The following PRKDC variants were observed in gnomAD, a reference collection of about 807,000 sequenced individuals.
The protein encoded by PRKDC is protein kinase, DNA-activated, catalytic subunit.
Under a neutral mutation model 486.9 loss-of-function variants are expected in PRKDC, and 82 were observed. The observed-to-expected ratio is 0.17, with a 90% confidence interval of 0.14 to 0.20. The LOEUF is 0.20. Ranked by LOEUF, PRKDC falls within the 10% of genes least tolerant of loss-of-function variation. The pLI is 1.00. For missense variants in PRKDC, 4,504 were observed against 5,038.2 expected, an observed-to-expected ratio of 0.89 and a Z score of 3.21; for synonymous variants, 1,895 against 1,837.0, an observed-to-expected ratio of 1.03 and a Z score of -0.81.
Position 47,879,381 on chromosome 8 carries a change from G to A in PRKDC, c.5235+110C>T, listed in dbSNP as rs187378015. The A allele has an allele frequency of 1.1e-3, 1,146 of 1,024,772 alleles. 5 individuals are homozygous for A. The highest frequency in any genetic ancestry group is 7.8e-3 in the African/African-American group (474 of 60,672). 63.5% of individuals were successfully genotyped at this position (1,024,772 alleles called of 1,614,324 possible). The stretch of plus-strand genomic sequence containing the variant: ...AACATTTTGAATAACCTATTGGGTG[G>A]TTTACAACTTCTCTGATTGTGGATA... On this transcript the variant is annotated intron_variant, in intron 39 of 85. Coordinates refer to ENST00000314191, the MANE Select transcript of PRKDC (RefSeq NM_006904.7).
chr8:47,935,855 G>T lies in PRKDC; in HGVS notation c.1324C>A (p.Gln442Lys), dbSNP rs1342353605. The T allele has an allele frequency of 2.5e-6, 4 of 1,613,940 alleles. No individual in the cohort carries two copies. Among genetic ancestry groups the T allele is most frequent in the Non-Finnish European group, 2.5e-6 (3 of 1,179,850 alleles). The change falls in exon 13 of 86, where the codon CAG becomes AAG. Residue 442 changes from glutamine (Q) to lysine (K), a missense_variant. Transcript: ENST00000314191. ...TPVLEHLVVM[Q>K]IDSFPQYSPK... The stretch of plus-strand genomic sequence containing the variant: ...CTGTACTGTGGGAAACTGTCTATCT[G>T]CATCACCACGAGGTGCTCCAGAACT...
At position 47,927,906 on chromosome 8, in the gene PRKDC, G is replaced by C. The variant is rs764935422; in HGVS notation, c.2140-16C>G. 1.3e-6 allele frequency: 2 copies of C among 1,531,992 alleles called. No individual in the cohort carries two copies. Among genetic ancestry groups the C allele is most frequent in the Middle Eastern group, 1.7e-4 (1 of 5,760 alleles). 94.9% of individuals were successfully genotyped at this position (1,531,992 alleles called of 1,614,324 possible). On this transcript the variant is annotated splice_polypyrimidine_tract_variant and intron_variant, in intron 19 of 85. Transcript: ENST00000314191. ...TAACTGCCACCTTAACAAGAAAGAA[G>C]ACAGTAATGTATATCTGAATAGAGC...
chr8:47,888,789 G>C, intron 33 of PRKDC, 139 bp from the exon 34 acceptor site: 1 of 1,294,012 alleles, frequency 7.7e-7, no homozygotes, highest in Non-Finnish European at 1.0e-6. Context: ...AAGCTAGCAT[G>C]GAGATCAAAC....
intron 54 of PRKDC, among the ~76,000 whole-genome samples, chr8:47,844,957 T>C (rs2088234411): frequency 6.6e-6 from 1 of 152,182 alleles, no homozygotes; most frequent in South Asian, 2.1e-4. Flanking sequence ...CAGAGGCTGA[T>C]GCCTGTACCC....
intron 63 of PRKDC, among the ~76,000 whole-genome samples, chr8:47,825,513 A>AC (rs1409834806): frequency 6.6e-6 from 1 of 150,394 alleles, no homozygotes; most frequent in African/African-American, 2.4e-5. Context: ...TCAAAAAAAA[A>AC]AAAAAAAAAA....
At chr8:47,809,828 G>A (rs1204365245) in intron 68 of PRKDC, among the ~76,000 whole-genome samples, 1 of 152,140 alleles carries the variant, frequency 6.6e-6, no homozygotes, top group African/African-American at 2.4e-5. Flanking sequence ...AACTGGGAAG[G>A]TCTGCTATTG....
intron 18 of PRKDC, 44 bp downstream of exon 18, chr8:47,929,809 A>T (rs376982120): frequency 4.6e-6 from 7 of 1,536,910 alleles, no homozygotes; most frequent in Non-Finnish European, 6.1e-6. Flanking sequence ...TATACTCATG[A>T]CCTAAAAAAA....
chr8:47,831,232 C>T (rs974650178), intron 60 of PRKDC, among the ~76,000 whole-genome samples: 8 of 152,294 alleles, frequency 5.3e-5, no homozygotes, highest in African/African-American at 1.9e-4. Flanking sequence ...GGGAGGGGGC[C>T]GGCACAGCGC....
intron 51 of PRKDC, among the ~76,000 whole-genome samples, chr8:47,853,653 T>A (rs1252957644): frequency 6.6e-6 from 1 of 152,212 alleles, no homozygotes; most frequent in South Asian, 2.1e-4. Context: ...CCGAGGGGCC[T>A]GCATTACTTT....
chr8:47,778,506 C>T lies in PRKDC; in HGVS notation c.11806G>A (p.Gly3936Ser), dbSNP rs55670423. The T allele has an allele frequency of 6.2e-4, 997 of 1,613,714 alleles. 1 individual carries two copies. The highest frequency in any genetic ancestry group is 1.5e-3 in the Middle Eastern group (9 of 6,060). The change falls in exon 83 of 86, where the codon GGC (glycine) becomes AGC (serine). Residue 3936 changes from glycine (G) to serine (S), a missense_variant. Physicochemically the swap from Gly to Ser is moderately conservative, Grantham distance 56 (BLOSUM62 0). Around this residue, in one of 6 missense-constraint regions of PRKDC, gnomAD observed 706 missense variants for 945.0 expected, o/e 0.75. Coordinates refer to ENST00000314191, the MANE Select transcript of PRKDC (RefSeq NM_006904.7). The stretch of plus-strand genomic sequence containing the variant: ...TGCCCAAAGTCGATCCCGATCACGC[C>T]GCCAGTCTCCATGGCCACCATAAAG... The part of the protein sequence containing the change: ...NNFMVAMETG[G>S]VIGIDFGHAF...
chr8:47,874,765 T>C (rs1184161654), intron 40 of PRKDC, among the ~76,000 whole-genome samples: 1 of 151,646 alleles, frequency 6.6e-6, no homozygotes, highest in African/African-American at 2.4e-5. Context: ...CACTAGTAGC[T>C]ATCTGGAGGC....
chr8:47,839,461 T>TGGGCCCACAGG (rs1369412548), intron 55 of PRKDC, among the ~76,000 whole-genome samples: 1 of 152,180 alleles, frequency 6.6e-6, no homozygotes, highest in Non-Finnish European at 1.5e-5. Flanking sequence ...AACAGGAGGA[T>TGGGCCCACAGG]GGGCCCACAG....
intron 64 of PRKDC, among the ~76,000 whole-genome samples, chr8:47,823,448 A>G (rs1452508154): frequency 6.6e-6 from 1 of 151,808 alleles, no homozygotes; most frequent in Non-Finnish European, 1.5e-5. Flanking sequence ...GCCTCCCCTG[A>G]AGCCAAGCAG....
intron 80 of PRKDC, 126 bp from the exon 81 acceptor site, chr8:47,779,219 A>T: frequency 1.5e-6 from 1 of 660,836 alleles, no homozygotes; most frequent in Non-Finnish European, 2.5e-6. Flanking sequence ...AAGACTTTTA[A>T]CCATATTCAA....
rs978031018 is a variant in PRKDC at position 47,890,483 on chromosome 8, A to G, written c.3848-3T>C. The G allele has an allele frequency of 5.9e-6, 9 of 1,535,892 alleles. No homozygotes were observed. Among genetic ancestry groups the G allele is most frequent in the Non-Finnish European group, 7.9e-6 (9 of 1,133,972 alleles). ...AAGTGAAGACTGGGCTTCAGTACCT[A>G]GAAGCAATTATATTAAAGTATTAAT... is the stretch of plus-strand genomic sequence containing the variant. On this transcript the variant is annotated splice_polypyrimidine_tract_variant and splice_region_variant and intron_variant, in intron 31 of 85. Transcript: ENST00000314191.
chr8:47,945,758 A>G (rs1258817451), intron 7 of PRKDC, among the ~76,000 whole-genome samples: 1 of 152,014 alleles, frequency 6.6e-6, no homozygotes, highest in Non-Finnish European at 1.5e-5. Context: ...GTTTCACTCT[A>G]TCACCCAGGC....
chr8:47,930,060 A>T (rs778507600), intron 17 of PRKDC, 48 bp from the exon 18 acceptor site: 1 of 1,520,242 alleles, frequency 6.6e-7, no homozygotes, highest in Non-Finnish European at 9.0e-7. Flanking sequence ...TATCATTCTG[A>T]TCTTAAAATT....
chr8:47,852,035 G>A (rs563577008), intron 52 of PRKDC, among the ~76,000 whole-genome samples: 19 of 152,236 alleles, frequency 1.2e-4, no homozygotes, highest in Non-Finnish European at 2.2e-4. Flanking sequence ...AGGATGGCTT[G>A]AGCCCAGGAG....
chr8:47,902,672 T>C lies in PRKDC; in HGVS notation c.3166A>G (p.Thr1056Ala). Residue 1056 changes from threonine (T) to alanine (A), a missense_variant, in exon 27 of 86, where the codon ACC becomes GCC. Around this residue, in one of 6 missense-constraint regions of PRKDC, gnomAD observed 1,969 missense variants for 2,068.9 expected, o/e 0.95. Transcript: ENST00000314191. ...PQQQEKSPVN[T>A]KSLFKRLYSL... ...TAAAGTCGCTTGAAAAGCGATTTGG[T>C]GTTTACTGGACTCTTCTCCTGCTGC... The C allele has an allele frequency of 1.2e-6, 2 of 1,613,912 alleles. No homozygotes were observed. Among genetic ancestry groups the C allele is most frequent in the Non-Finnish European group, 1.7e-6 (2 of 1,179,834 alleles).
Sources: allele counts gnomAD v4.1 joint callset (sites outside exome capture counted in the v4.1 genomes callset), GRCh38; gene constraint gnomAD v4.1.1; regional missense constraint gnomAD v4.1.1; transcripts MANE v1.5; gene names NCBI Gene and HGNC (gene_info 2026-07-23, HGNC 2026-07-21).